Variants in KCNH8 observed in about 807,000 individuals in gnomAD.
KCNH8 encodes voltage-gated delayed rectifier potassium channel KCNH8.
Under a neutral mutation model 103.6 loss-of-function variants are expected in KCNH8, and 70 were observed. That is an observed-to-expected ratio of 0.68 (90% CI 0.56 to 0.82). The LOEUF is 0.82. Ranked by LOEUF, KCNH8 falls within the 40% of genes least tolerant of loss-of-function variation. KCNH8 has a pLI of 0.00. For synonymous variants in KCNH8, 498 were observed against 489.4 expected (o/e 1.02, Z -0.23); for missense variants, 1,217 against 1,329.9 (o/e 0.92, Z 1.32).
chr3:19,268,518 G>A (rs1031296838), intron 2 of KCNH8, among the ~76,000 whole-genome samples: 6 of 152,046 alleles, frequency 3.9e-5, no homozygotes, highest in African/African-American at 7.2e-5. Flanking sequence ...GGATTTTGTC[G>A]ACTATTCTCA....
At chr3:19,402,397 G>C (rs1212017471) in intron 7 of KCNH8, among the ~76,000 whole-genome samples, 1 of 151,764 alleles carries the variant, frequency 6.6e-6, no homozygotes, top group Non-Finnish European at 1.5e-5. Context: ...CAAAAATAGA[G>C]AGCAAGATTA....
At chr3:19,232,013 A>C (rs1227635264) in intron 1 of KCNH8, among the ~76,000 whole-genome samples, 5 of 152,210 alleles carry the variant, frequency 3.3e-5, no homozygotes, top group African/African-American at 1.2e-4. Flanking sequence ...AGAGGTCACT[A>C]TGCTGAATTG....
chr3:19,191,582 C>A (rs899459685), intron 1 of KCNH8, among the ~76,000 whole-genome samples: 28 of 151,594 alleles, frequency 1.8e-4, no homozygotes, highest in African/African-American at 5.1e-4. Flanking sequence ...TATGATTATT[C>A]TTTTTTCTCT....
chr3:19,404,551 C>T (rs561747536), intron 7 of KCNH8, among the ~76,000 whole-genome samples: 154 of 152,020 alleles, frequency 1.0e-3, no homozygotes, highest in African/African-American at 3.6e-3. Context: ...TTGTTAAGAT[C>T]ATGGACAAGT....
At chr3:19,342,530 A>G in intron 3 of KCNH8, 57 bp from the exon 4 acceptor site, 1 of 1,546,046 alleles carries the variant, frequency 6.5e-7, no homozygotes, top group South Asian at 1.2e-5. Context: ...TCAAAATGAC[A>G]TTCTTGAGGT....
intron 2 of KCNH8, among the ~76,000 whole-genome samples, chr3:19,264,275 A>G (rs1460411320): frequency 2.6e-5 from 4 of 152,126 alleles, no homozygotes; most frequent in African/African-American, 7.2e-5. Flanking sequence ...TGAAGGTAGC[A>G]CATGCAGCCT....
chr3:19,210,566 A>G (rs1192096007), intron 1 of KCNH8, among the ~76,000 whole-genome samples: 1 of 150,928 alleles, frequency 6.6e-6, no homozygotes, highest in African/African-American at 2.5e-5. Context: ...CATTTAAAAA[A>G]ATATATATTG....
At position 19,376,324 on chromosome 3, in the gene KCNH8, G is replaced by A. The variant is rs554456354; in HGVS notation, c.812-14157G>A. The stretch of plus-strand genomic sequence containing the variant: ...TGGTGCGCCATTTTTGAAGCCGGTC[G>A]GAAAAGCGCAGTATTCGGGTAGGAG... On this transcript the variant is annotated intron_variant, in intron 5 of 15. Coordinates refer to ENST00000328405, the MANE Select transcript of KCNH8 (RefSeq NM_144633.3). Among the ~76,000 whole-genome samples the A allele has an allele frequency of 2.6e-5, 4 of 152,320 alleles. No homozygotes were observed. In the South Asian group the frequency reaches 6.2e-4, roughly 24 times the overall value.
chr3:19,260,375 A>G (rs77793235), intron 2 of KCNH8, among the ~76,000 whole-genome samples: 1 of 150,470 alleles, frequency 6.6e-6, no homozygotes. Flanking sequence ...AAATTTCTTC[A>G]TGACCTTCCT....
chr3:19,307,460 C>T (rs976707293), intron 3 of KCNH8, among the ~76,000 whole-genome samples: 1 of 151,886 alleles, frequency 6.6e-6, no homozygotes. Context: ...ACTAGTACAG[C>T]CACTACAAAG....
intron 6 of KCNH8, among the ~76,000 whole-genome samples, chr3:19,391,278 C>T (rs2066433463): frequency 6.6e-6 from 1 of 151,996 alleles, no homozygotes; most frequent in African/African-American, 2.4e-5. Flanking sequence ...CATGTAGCCT[C>T]CCAGGACAGA....
chr3:19,339,080 A>G (rs1356663970), intron 3 of KCNH8, among the ~76,000 whole-genome samples: 2 of 152,126 alleles, frequency 1.3e-5, no homozygotes, highest in Non-Finnish European at 2.9e-5. Context: ...TTTTCAACCC[A>G]ATCTTGCATG....
At chr3:19,178,573 AGGGGAAT>A (rs2063422208) in intron 1 of KCNH8, among the ~76,000 whole-genome samples, 1 of 152,156 alleles carries the variant, frequency 6.6e-6, no homozygotes, top group African/African-American at 2.4e-5. Context: ...CTGCTTCATA[AGGGGAAT>A]AGAGAAAGGA....
chr3:19,233,206 T>C (rs1030021676), intron 1 of KCNH8, among the ~76,000 whole-genome samples: 3 of 152,148 alleles, frequency 2.0e-5, no homozygotes, highest in Admixed American at 1.3e-4. Flanking sequence ...GGTGCCAGTT[T>C]CAGGACACAA....
At chr3:19,275,273 G>A (rs555321309) in intron 2 of KCNH8, among the ~76,000 whole-genome samples, 14 of 151,642 alleles carry the variant, frequency 9.2e-5, no homozygotes, top group East Asian at 2.0e-4. Context: ...TGTTTTTAAC[G>A]CAAAAAGAAG....
At chr3:19,205,817 T>A (rs2063708602) in intron 1 of KCNH8, among the ~76,000 whole-genome samples, 1 of 152,000 alleles carries the variant, frequency 6.6e-6, no homozygotes, top group African/African-American at 2.4e-5. Context: ...AAATTATTAT[T>A]TATTTTTTAT....
chr3:19,421,500 C>A (rs2125157224), intron 7 of KCNH8, among the ~76,000 whole-genome samples: 1 of 152,168 alleles, frequency 6.6e-6, no homozygotes, highest in South Asian at 2.1e-4. Context: ...AATTCTTATA[C>A]AACAGAGTTA....
chr3:19,423,589 T>C (rs1274564183), intron 7 of KCNH8, among the ~76,000 whole-genome samples: 1 of 152,034 alleles, frequency 6.6e-6, no homozygotes, highest in Non-Finnish European at 1.5e-5. Flanking sequence ...TCCAGGTTGC[T>C]GCAAATGCCA....
At chr3:19,500,346 A>C (rs910469374) in intron 11 of KCNH8, among the ~76,000 whole-genome samples, 6 of 152,178 alleles carry the variant, frequency 3.9e-5, no homozygotes, top group African/African-American at 1.4e-4. Flanking sequence ...GGGAGACTTT[A>C]ACACCCCACT....
Sources: allele counts gnomAD v4.1 joint callset (sites outside exome capture counted in the v4.1 genomes callset), GRCh38; gene constraint gnomAD v4.1.1; transcripts MANE v1.5; gene names NCBI Gene and HGNC (gene_info 2026-07-23, HGNC 2026-07-21).